RGS21: variants seen among roughly 807,000 people sequenced by gnomAD.
The protein encoded by RGS21 is regulator of G-protein signalling 21.
RGS21 carries 19 observed loss-of-function variants against 18.7 expected under a neutral mutation model. The ratio of observed to expected loss-of-function variants is 1.01; its 90% CI spans 0.71 to 1.49. The LOEUF is 1.49. Among genes scored for constraint, RGS21 ranks in the 40% most tolerant of loss-of-function variants. RGS21 has a pLI of 0.00. For missense variants in RGS21, 194 were observed against 176.8 expected (o/e 1.10, Z -0.55); for synonymous variants, 56 against 57.8 (o/e 0.97, Z 0.14).
intron 1 of RGS21, among the ~76,000 whole-genome samples, chr1:192,321,262 C>T (rs1217576233): frequency 1.3e-5 from 2 of 151,786 alleles, no homozygotes; most frequent in African/African-American, 4.8e-5. Flanking sequence ...CCTTGATTTT[C>T]GAGAAGAAAT....
chr1:192,332,969 G>GT (rs959668372), intron 1 of RGS21, among the ~76,000 whole-genome samples: 1 of 150,872 alleles, frequency 6.6e-6, no homozygotes, highest in African/African-American at 2.4e-5. Flanking sequence ...AACCTCAACT[G>GT]TTAAAAAAAA....
intron 1 of RGS21, among the ~76,000 whole-genome samples, chr1:192,318,469 G>C (rs1341673400): frequency 6.6e-6 from 1 of 152,084 alleles, no homozygotes; most frequent in Non-Finnish European, 1.5e-5. Context: ...AAATCTGCCA[G>C]AAGTTTTACG....
chr1:192,352,110 G>T lies in RGS21; in HGVS notation c.152G>T (p.Trp51Leu), dbSNP rs1293863013. The change falls in exon 4 of 5, where the codon TGG (tryptophan) becomes TTG (leucine). Residue 51 changes from tryptophan to leucine, a missense_variant. Coordinates refer to ENST00000417209, the MANE Select transcript of RGS21 (RefSeq NM_001039152.3). ...TTTAGTGAAGAAAATGTTGAGTTCT[G>T]GCTTGCCTGTGAAGACTTTAAGAAA... Reference protein sequence around the residue: ...SEFSEENVEFWLACEDFKKTK... With the variant: ...SEFSEENVEFLLACEDFKKTK... 2 of 1,610,500 alleles carry T rather than the reference G, an allele frequency of 1.2e-6. No homozygotes were observed. The highest frequency in any genetic ancestry group is 1.7e-6 in the Non-Finnish European group (2 of 1,178,198).
At chr1:192,321,729 A>G (rs763965275) in intron 1 of RGS21, among the ~76,000 whole-genome samples, 5 of 152,044 alleles carry the variant, frequency 3.3e-5, no homozygotes, top group Non-Finnish European at 7.4e-5. Flanking sequence ...TTATTTTCTC[A>G]TGAATCTGAC....
intron 3 of RGS21, among the ~76,000 whole-genome samples, chr1:192,351,699 G>GTT (rs1659042884): frequency 6.8e-6 from 1 of 146,158 alleles, no homozygotes; most frequent in East Asian, 2.0e-4. Flanking sequence ...TGCTATATAT[G>GTT]CTATATATAG....
intron 1 of RGS21, among the ~76,000 whole-genome samples, chr1:192,337,748 C>A (rs1658792414): frequency 6.6e-6 from 1 of 152,050 alleles, no homozygotes; most frequent in Admixed American, 6.6e-5. Context: ...TATGAGATTA[C>A]AATGTGGATT....
At chr1:192,344,216 T>C (rs1031302196) in intron 2 of RGS21, among the ~76,000 whole-genome samples, 23 of 152,072 alleles carry the variant, frequency 1.5e-4, no homozygotes, top group Admixed American at 2.6e-4. Context: ...CTATGAAATA[T>C]GATAAATCTC....
At chr1:192,332,398 T>C (rs1268306507) in intron 1 of RGS21, among the ~76,000 whole-genome samples, 3 of 152,186 alleles carry the variant, frequency 2.0e-5, no homozygotes, top group African/African-American at 4.8e-5. Context: ...AAACTGTCAA[T>C]TGAATATCAA....
chr1:192,323,024 G>T (rs1157406681), intron 1 of RGS21, among the ~76,000 whole-genome samples: 1 of 152,086 alleles, frequency 6.6e-6, no homozygotes, highest in Admixed American at 6.6e-5. Context: ...TATCATCTTT[G>T]CAACTTGTCT....
At chr1:192,341,055 G>A (rs1031328896) in intron 1 of RGS21, among the ~76,000 whole-genome samples, 15 of 151,988 alleles carry the variant, frequency 9.9e-5, no homozygotes, top group Non-Finnish European at 2.9e-5. Flanking sequence ...GCATGCTTCT[G>A]GAGTCTTTGA....
chr1:192,356,884 C>T (rs1249104984), intron 4 of RGS21, among the ~76,000 whole-genome samples: 1 of 151,694 alleles, frequency 6.6e-6, no homozygotes, highest in Non-Finnish European at 1.5e-5. Context: ...ATACAATGTG[C>T]TTGCTTATTT....
intron 1 of RGS21, among the ~76,000 whole-genome samples, chr1:192,339,564 T>C (rs762401004): frequency 2.0e-5 from 3 of 152,060 alleles, no homozygotes; most frequent in Non-Finnish European, 4.4e-5. Context: ...ATCACCATTC[T>C]TTCAAGCTAC....
Position 192,366,406 on chromosome 1 carries a change from G to A in RGS21, c.*282G>A, listed in dbSNP as rs1659260587. The A allele has an allele frequency of 3.9e-6, 1 of 255,002 alleles. No individual in the cohort carries two copies. Among genetic ancestry groups the A allele is most frequent in the Admixed American group, 5.3e-5 (1 of 18,990 alleles). 15.8% of individuals were successfully genotyped at this position (255,002 alleles called of 1,614,324 possible). A position where few individuals can be genotyped will look rare whatever the true frequency, so the allele number is the denominator to read the frequency against. On this transcript the variant is annotated 3_prime_UTR_variant, in exon 5 of 5. Coordinates refer to ENST00000417209, the MANE Select transcript of RGS21 (RefSeq NM_001039152.3). Reference sequence around the variant, plus strand: ...CTGAATATTCTTATTATATTATAATGTAAGGAATTATACATATCTTCACGT... The same window carrying A: ...CTGAATATTCTTATTATATTATAATATAAGGAATTATACATATCTTCACGT...
intron 4 of RGS21, among the ~76,000 whole-genome samples, chr1:192,355,232 T>C (rs977724857): frequency 1.3e-5 from 2 of 151,814 alleles, no homozygotes; most frequent in Admixed American, 6.6e-5. Context: ...TACATTTACA[T>C]AGGAAAAACG....
rs1659270704 is a variant in RGS21, at chr1:192,367,106, C to A, written c.*982C>A. The A allele has an allele frequency of 6.6e-6, 1 of 152,014 alleles. No individual in the cohort carries two copies. Among genetic ancestry groups the A allele is most frequent in the South Asian group, 2.1e-4 (1 of 4,822 alleles). 9.4% of individuals were successfully genotyped at this position (152,014 alleles called of 1,614,324 possible). ...AAGATTCAACAGATCTCCCACGTTTCCATTTTCTTTGCACAGATTTATTTA... is the reference window on the plus strand; with the variant it reads ...AAGATTCAACAGATCTCCCACGTTTACATTTTCTTTGCACAGATTTATTTA... On this transcript the variant is annotated 3_prime_UTR_variant, in exon 5 of 5. Coordinates refer to ENST00000417209, the MANE Select transcript of RGS21 (RefSeq NM_001039152.3).
At chr1:192,352,659 T>G (rs183180272) in intron 4 of RGS21, among the ~76,000 whole-genome samples, 1 of 152,114 alleles carries the variant, frequency 6.6e-6, no homozygotes, top group East Asian at 1.9e-4. Flanking sequence ...TTAAACAAAT[T>G]AATATGTTGC....
rs115041211 is a variant in RGS21 at position 192,333,681 on chromosome 1, G to A, written c.-60-9296G>A. 5.7e-4 allele frequency among the ~76,000 whole-genome samples: 86 copies of A among 149,830 alleles called. 1 individual carries two copies. Among genetic ancestry groups the A allele is most frequent in the African/African-American group, 1.9e-3 (76 of 40,782 alleles). On this transcript the variant is annotated intron_variant, in intron 1 of 4. Transcript: ENST00000417209. ...AGAGATGAGTGGTTTCCAGGGGTTA[G>A]GGATGATGCAGAGAAGGTACTATAA...
intron 4 of RGS21, among the ~76,000 whole-genome samples, chr1:192,357,147 C>T (rs17414071): frequency 0.31 from 46,922 of 151,478 alleles, 8,400 homozygotes; most frequent in African/African-American, 0.48. Context: ...GAATGTATTT[C>T]GAAGAAGTAA....
chr1:192,347,411 G>C (rs776504329), intron 3 of RGS21, 22 bp downstream of exon 3: 5 of 1,117,154 alleles, frequency 4.5e-6, no homozygotes, highest in Admixed American at 1.7e-5. Context: ...CTAATAATAG[G>C]CTTAAAATAC....
Sources: gnomAD v4.1 joint callset for allele counts (sites outside exome capture counted in the v4.1 genomes callset) on GRCh38, gnomAD v4.1.1 for gene constraint, MANE v1.5 for transcripts, NCBI Gene and HGNC (gene_info 2026-07-23, HGNC 2026-07-21) for gene names.